SEPTIN9: variants seen among roughly 807,000 people sequenced by gnomAD.
SEPTIN9 encodes septin 9, also known as septin-9.
A neutral mutation model predicts 56.6 loss-of-function variants in SEPTIN9; 13 were observed. That is an observed-to-expected ratio of 0.23 (90% confidence interval 0.15 to 0.37). The LOEUF (loss-of-function observed/expected upper bound fraction) is 0.37, where lower values mean the gene tolerates loss of function less well. SEPTIN9 is among the 10% of genes least tolerant of loss of function. The pLI is 1.00. For synonymous variants in SEPTIN9, 332 were observed against 334.1 expected, an observed-to-expected ratio of 0.99 and a Z score of 0.07; for missense variants, 650 against 823.1, an observed-to-expected ratio of 0.79 and a Z score of 2.57.
At chr17:77,489,103 GGGTCA>G (rs1313448939) in intron 7 of SEPTIN9, among the ~76,000 whole-genome samples, 21 of 152,230 alleles carry the variant, frequency 1.4e-4, no homozygotes, top group Admixed American at 1.3e-3. Context: ...GGGGAGCTGA[GGGTCA>G]GGCAGGCCCT....
At chr17:77,498,313 G>A (rs955953811) in intron 11 of SEPTIN9, among the ~76,000 whole-genome samples, 2 of 152,044 alleles carry the variant, frequency 1.3e-5, no homozygotes, top group Non-Finnish European at 2.9e-5. Context: ...GGGCTTACCA[G>A]GGGGACTGAC....
intron 2 of SEPTIN9, among the ~76,000 whole-genome samples, chr17:77,385,884 C>T (rs949330874): frequency 5.9e-5 from 9 of 152,196 alleles, no homozygotes. Flanking sequence ...CTCCAAGGCC[C>T]CTGCGGCTGT....
rs865994033 is a variant in SEPTIN9 at position 77,326,406 on chromosome 17, C to G, written c.76+19209C>G. ...AGGACAGAACCTGCGGTTCGTAGGA[C>G]CAGGTCAGGAGGGCTGCCTCGGGGG... On this transcript the variant is annotated intron_variant, in intron 2 of 11. Coordinates refer to ENST00000427177, the MANE Select transcript of SEPTIN9 (RefSeq NM_001113491.2). This position sits in a 1 kb window ranked among gnomAD's most constrained non-coding sequence, Gnocchi z 5.1. Among the ~76,000 whole-genome samples, 1 of 152,162 alleles carries G rather than the reference C, an allele frequency of 6.6e-6. No homozygotes were observed. The highest frequency in any genetic ancestry group is 2.4e-5 in the African/African-American group (1 of 41,440).
chr17:77,439,750 G>A (rs1294381030), intron 3 of SEPTIN9, among the ~76,000 whole-genome samples: 1 of 152,194 alleles, frequency 6.6e-6, no homozygotes, highest in Non-Finnish European at 1.5e-5. Context: ...CTCCTTTCGG[G>A]CATCCTGAAC....
chr17:77,388,114 ACCAGGGGTCCTC>A (rs1469951168), intron 2 of SEPTIN9, among the ~76,000 whole-genome samples: 4 of 152,010 alleles, frequency 2.6e-5, no homozygotes, highest in African/African-American at 7.3e-5. Flanking sequence ...CTCGCGGTAT[ACCAGGGGTCCTC>A]CCAGGGGCCC....
At chr17:77,454,048 T>G in intron 3 of SEPTIN9, 3 of 985,224 alleles carry the variant, frequency 3.0e-6, no homozygotes, top group Non-Finnish European at 3.6e-6. Context: ...CCTCTCTCCC[T>G]GGCCGGGAGT....
In SEPTIN9 at chr17:77,381,153, G is replaced by A. The variant is rs553637755; in HGVS notation, c.77-20906G>A. Among the ~76,000 whole-genome samples, 4 of 152,318 alleles carry A rather than the reference G, an allele frequency of 2.6e-5. No individual in the cohort carries two copies. In the South Asian group the frequency reaches 6.2e-4, roughly 24 times the overall value. ...CTTGTGGGACCCCTTGGGTATGAGG[G>A]AGGGAGCCACCTGGGCCACAGATAG... On this transcript the variant is annotated intron_variant, in intron 2 of 11. Transcript: ENST00000427177.
At chr17:77,479,457 G>A (rs1377056763) in intron 3 of SEPTIN9, among the ~76,000 whole-genome samples, 1 of 152,264 alleles carries the variant, frequency 6.6e-6, no homozygotes, top group Non-Finnish European at 1.5e-5. Flanking sequence ...GCCAGCCGGG[G>A]CCTGCAAGGC....
At chr17:77,336,250 G>A (rs2033550573) in intron 2 of SEPTIN9, among the ~76,000 whole-genome samples, 1 of 152,110 alleles carries the variant, frequency 6.6e-6, no homozygotes, top group African/African-American at 2.4e-5. Flanking sequence ...TTAAGAAGTA[G>A]CTTGTTGATG....
chr17:77,493,297 G>C (rs2040114490), intron 10 of SEPTIN9: 2 of 565,898 alleles, frequency 3.5e-6, no homozygotes, highest in Non-Finnish European at 6.3e-6. Flanking sequence ...CCCCCGGGCA[G>C]GGAAAGATTC....
intron 3 of SEPTIN9, among the ~76,000 whole-genome samples, chr17:77,418,470 G>A (rs2036579274): frequency 6.6e-6 from 1 of 152,114 alleles, no homozygotes; most frequent in Non-Finnish European, 1.5e-5. Flanking sequence ...AGCCTCCTGA[G>A]TAGCTGGGAC....
At chr17:77,455,033 C>T (rs1291990411) in intron 3 of SEPTIN9, among the ~76,000 whole-genome samples, 6 of 151,352 alleles carry the variant, frequency 4.0e-5, no homozygotes, top group African/African-American at 1.5e-4. Flanking sequence ...GGCCTAAACG[C>T]GATTGGCTCT....
intron 4 of SEPTIN9, 42 bp downstream of exon 4, chr17:77,482,377 C>G (rs764228476): frequency 6.3e-7 from 1 of 1,594,124 alleles, no homozygotes; most frequent in Non-Finnish European, 8.5e-7. Flanking sequence ...ATGCCGGAAA[C>G]CAGCCTCAGC....
chr17:77,378,147 G>A (rs567007870), intron 2 of SEPTIN9, among the ~76,000 whole-genome samples: 1 of 152,288 alleles, frequency 6.6e-6, no homozygotes, highest in Non-Finnish European at 1.5e-5. Context: ...GGAGGTAAAC[G>A]CCAGGACACC....
chr17:77,484,820 A>T (rs1442369322), intron 4 of SEPTIN9, among the ~76,000 whole-genome samples: 1 of 55,440 alleles, frequency 1.8e-5, no homozygotes, highest in African/African-American at 1.1e-4. Context: ...GGTGATTGTG[A>T]TGGTGGTGGC....
rs1021259539 is a variant in SEPTIN9 at position 77,435,127 on chromosome 17, C to T, written c.721+32424C>T. On this transcript the variant is annotated intron_variant, in intron 3 of 11. Transcript: ENST00000427177. The surrounding 1 kb of genome is among the most constrained non-coding windows in gnomAD (Gnocchi z 4.5). ...TGATTCTGTTGTTATTCCCATTTCA[C>T]CGATGAGGAACCCACAGCCCAGAGA... Among the ~76,000 whole-genome samples, 3 of 152,180 alleles carry T rather than the reference C, an allele frequency of 2.0e-5. No homozygotes were observed. The highest frequency in any genetic ancestry group is 2.9e-5 in the Non-Finnish European group (2 of 68,030).
In SEPTIN9 at chr17:77,284,712, C is replaced by G. The variant is rs565400894; in HGVS notation, c.19+3158C>G. Reference sequence around the variant, plus strand: ...TGGCATGATCTCAGCTTACTGCAACCTCCGCCTCCCAGGTTCAAGTGATTC... The same window carrying G: ...TGGCATGATCTCAGCTTACTGCAACGTCCGCCTCCCAGGTTCAAGTGATTC... On this transcript the variant is annotated intron_variant, in intron 1 of 11. Coordinates refer to ENST00000427177, the MANE Select transcript of SEPTIN9 (RefSeq NM_001113491.2). 2.6e-5 allele frequency among the ~76,000 whole-genome samples: 4 copies of G among 152,322 alleles called. No individual in the cohort carries two copies. The South Asian group carries it at 8.3e-4, about 32-fold the overall frequency.
At position 77,439,645 on chromosome 17, in the gene SEPTIN9, T is replaced by G. The variant is rs2037473732; in HGVS notation, c.721+36942T>G. ...GAGCAGATCCCCACACCTTAACTGC[T>G]GTGATCTTTCTGTCCTGGAGGCTGG... On this transcript the variant is annotated intron_variant, in intron 3 of 11. Coordinates refer to ENST00000427177, the MANE Select transcript of SEPTIN9 (RefSeq NM_001113491.2). Among the ~76,000 whole-genome samples the G allele has an allele frequency of 2.0e-5, 3 of 152,018 alleles. No individual in the cohort carries two copies. The South Asian group carries it at 6.2e-4, about 32-fold the overall frequency.
intron 2 of SEPTIN9, among the ~76,000 whole-genome samples, chr17:77,386,802 T>G (rs1047204091): frequency 6.6e-6 from 1 of 152,140 alleles, no homozygotes; most frequent in Non-Finnish European, 1.5e-5. Flanking sequence ...CAGGGACACA[T>G]TTCAGCCAGT....
Sources: gnomAD v4.1 joint callset for allele counts (sites outside exome capture counted in the v4.1 genomes callset) on GRCh38, gnomAD v4.1.1 for gene constraint, Gnocchi (gnomAD v3.1) non-coding constraint, MANE v1.5 for transcripts, NCBI Gene and HGNC (gene_info 2026-07-23, HGNC 2026-07-21) for gene names.